DPH6: variants seen among roughly 807,000 people sequenced by gnomAD.
The protein encoded by DPH6 is diphthine--ammonia ligase.
DPH6 carries 33 observed loss-of-function variants against 38.2 expected under a neutral mutation model. That is an observed-to-expected ratio of 0.86 (90% CI 0.65 to 1.15). The LOEUF (loss-of-function observed/expected upper bound fraction) is 1.15, where lower values mean the gene tolerates loss of function less well. DPH6 is among the 50% of genes most tolerant of loss of function. DPH6 has a pLI of 0.00. For missense variants in DPH6, 325 were observed against 320.0 expected, an observed-to-expected ratio of 1.02 and a Z score of -0.12; for synonymous variants, 108 against 103.0, an observed-to-expected ratio of 1.05 and a Z score of -0.30.
At chr15:35,535,997 G>A (rs905650395) in intron 3 of DPH6, among the ~76,000 whole-genome samples, 39 of 152,004 alleles carry the variant, frequency 2.6e-4, no homozygotes, top group Non-Finnish European at 8.8e-5. Context: ...TGTGAAAGTT[G>A]CAAAGCTGTA....
intron 7 of DPH6, among the ~76,000 whole-genome samples, chr15:35,375,551 T>G (rs77286703): frequency 0.021 from 3,203 of 152,256 alleles, 49 homozygotes; most frequent in Non-Finnish European, 0.032. Context: ...ATCCTCAGAT[T>G]AATCCAGAAA....
At chr15:35,299,572 G>T in intron 3 of DPH6, 1 of 442,614 alleles carries the variant, frequency 2.3e-6, no homozygotes, top group Non-Finnish European at 4.0e-6. Context: ...GCTGGGCGGC[G>T]CGGGGTCAGG....
intron 3 of DPH6, among the ~76,000 whole-genome samples, chr15:35,493,251 T>C (rs1000637721): frequency 6.6e-6 from 1 of 152,178 alleles, no homozygotes; most frequent in African/African-American, 2.4e-5. Context: ...TAAATGAGTG[T>C]ATTGTATGAA....
At chr15:35,509,362 T>A (rs866035360) in intron 3 of DPH6, among the ~76,000 whole-genome samples, 1 of 152,224 alleles carries the variant, frequency 6.6e-6, no homozygotes, top group Non-Finnish European at 1.5e-5. Context: ...TCGGCAATAT[T>A]ATAACTACTG....
the DPH6 span, among the ~76,000 whole-genome samples, chr15:35,196,475 A>C: frequency 6.6e-6 from 1 of 152,090 alleles, no homozygotes; most frequent in African/African-American, 2.4e-5. Context: ...TTGTGGGAGG[A>C]GGCGGGCTGT....
intron 3 of DPH6, among the ~76,000 whole-genome samples, chr15:35,508,064 T>A (rs908302129): frequency 7.9e-5 from 12 of 151,696 alleles, no homozygotes; most frequent in Non-Finnish European, 1.8e-4. Context: ...TGACTGAAAG[T>A]AAGAGGCTCG....
chr15:35,294,479 C>T (rs967878029), intron 3 of DPH6, among the ~76,000 whole-genome samples: 22 of 152,208 alleles, frequency 1.4e-4, no homozygotes, highest in African/African-American at 5.3e-4. Flanking sequence ...GTAGACACTA[C>T]TAGTTGCAAC....
intron 3 of DPH6, among the ~76,000 whole-genome samples, chr15:35,314,541 G>T (rs890531554): frequency 6.6e-6 from 1 of 152,186 alleles, no homozygotes; most frequent in South Asian, 2.1e-4. Flanking sequence ...GGTGGTTCGA[G>T]AAGTTTCACA....
At chr15:35,408,768 G>A (rs1017024827) in intron 6 of DPH6, among the ~76,000 whole-genome samples, 16 of 152,004 alleles carry the variant, frequency 1.1e-4, no homozygotes, top group African/African-American at 3.6e-4. Context: ...AATGGGTATC[G>A]TGAGTGATTT....
chr15:35,218,748 TAAAAC>T (rs2051424764), exon 4 of DPH6: 1 of 152,070 alleles, frequency 6.6e-6, no homozygotes, highest in Admixed American at 6.5e-5. Flanking sequence ...TTTTTTTAAT[TAAAAC>T]AAAACAAGCA....
intron 3 of DPH6, among the ~76,000 whole-genome samples, chr15:35,300,896 A>ATAGAGTG (rs1284481588): frequency 1.3e-5 from 2 of 152,200 alleles, no homozygotes; most frequent in African/African-American, 4.8e-5. Flanking sequence ...TACCTGTTTT[A>ATAGAGTG]TAGAGTGCCA....
rs558704228 is a variant in DPH6, at chr15:35,357,111, C to G, written n.207+16410G>C. Among the ~76,000 whole-genome samples, 5 of 152,358 alleles carry G rather than the reference C, an allele frequency of 3.3e-5. No homozygotes were observed. In the South Asian group the frequency reaches 1.0e-3, roughly 32 times the overall value. On this transcript the variant is annotated intron_variant and non_coding_transcript_variant, in intron 3 of 3. Transcript: ENST00000558973. ...TGCGGGATATAATCTCCTGTTGTGC[C>G]GTTTGCTAAGACTGTTGGAGAAGCG...
the DPH6 span, among the ~76,000 whole-genome samples, chr15:35,154,502 G>A: frequency 6.6e-6 from 1 of 152,104 alleles, no homozygotes; most frequent in South Asian, 2.1e-4. Flanking sequence ...CTCAACTGGT[G>A]GTAATTATTG....
At chr15:35,301,638 T>C (rs1270761342) in intron 3 of DPH6, among the ~76,000 whole-genome samples, 1 of 152,128 alleles carries the variant, frequency 6.6e-6, no homozygotes, top group African/African-American at 2.4e-5. Flanking sequence ...ATATCATCTA[T>C]ACATTAAAAG....
At chr15:35,491,120 A>C (rs2141172162) in intron 3 of DPH6, among the ~76,000 whole-genome samples, 1 of 152,282 alleles carries the variant, frequency 6.6e-6, no homozygotes, top group South Asian at 2.1e-4. Context: ...ATTAAACTTC[A>C]ACATGAGTTT....
intron 6 of DPH6, among the ~76,000 whole-genome samples, chr15:35,405,212 A>C (rs1289578491): frequency 6.6e-6 from 1 of 151,096 alleles, no homozygotes; most frequent in Non-Finnish European, 1.5e-5. Context: ...ATTCCATATA[A>C]ATTTTAGGAT....
downstream of DPH6, among the ~76,000 whole-genome samples, chr15:35,329,062 A>T (rs2052307714): frequency 6.6e-6 from 1 of 152,232 alleles, no homozygotes; most frequent in Non-Finnish European, 1.5e-5. Flanking sequence ...TCCCTCCCAC[A>T]TGGGAATTAT....
the DPH6 span, among the ~76,000 whole-genome samples, chr15:35,162,386 C>A: frequency 3.3e-5 from 5 of 151,988 alleles, no homozygotes; most frequent in African/African-American, 1.2e-4. Flanking sequence ...ATATCTCCAT[C>A]TTTCCAATGT....
chr15:35,212,082 T>C, the DPH6 span, among the ~76,000 whole-genome samples: 1 of 152,150 alleles, frequency 6.6e-6, no homozygotes, highest in Non-Finnish European at 1.5e-5. Context: ...TGGACGAAGA[T>C]AGCACTTTTA....
Sources: gnomAD v4.1 joint callset for allele counts (sites outside exome capture counted in the v4.1 genomes callset) on GRCh38, gnomAD v4.1.1 for gene constraint, MANE v1.5 for transcripts, NCBI Gene and HGNC (gene_info 2026-07-23, HGNC 2026-07-21) for gene names.